PCNX4: variants seen among roughly 807,000 people sequenced by gnomAD.
PCNX4 encodes pecanex-like protein 4.
PCNX4 carries 103 observed loss-of-function variants against 107.2 expected under a neutral mutation model. The observed-to-expected ratio is 0.96, with a 90% CI of 0.82 to 1.13. The LOEUF (loss-of-function observed/expected upper bound fraction) is 1.13. Ranked by LOEUF, PCNX4 falls within the 50% of genes most tolerant of loss-of-function variation. PCNX4 has a pLI of 0.00. For synonymous variants in PCNX4, 541 were observed against 481.7 expected, an observed-to-expected ratio of 1.12 and a Z score of -1.61; for missense variants, 1,528 against 1,379.4, an observed-to-expected ratio of 1.11 and a Z score of -1.71.
intron 8 of PCNX4, among the ~76,000 whole-genome samples, chr14:60,123,679 T>A (rs1895995709): frequency 6.6e-6 from 1 of 152,120 alleles, no homozygotes; most frequent in African/African-American, 2.4e-5. Context: ...AGATACTGGT[T>A]TAGGCACTAC....
At chr14:60,129,753 C>A (rs551270360) in intron 10 of PCNX4, among the ~76,000 whole-genome samples, 1 of 152,142 alleles carries the variant, frequency 6.6e-6, no homozygotes, top group Non-Finnish European at 1.5e-5. Flanking sequence ...AATATTTCTG[C>A]TTCACCACAA....
rs748127531 is a variant in PCNX4, at chr14:60,134,095, T to A, written c.3393T>A (p.Asp1131Glu). The A allele has an allele frequency of 3.7e-6, 6 of 1,613,854 alleles. No homozygotes were observed. In the East Asian group the frequency reaches 1.3e-4, roughly 36 times the overall value. Residue 1131 changes from aspartate to glutamate, a missense_variant, in exon 11 of 11, where the codon GAT becomes GAA. Coordinates refer to ENST00000406854, the MANE Select transcript of PCNX4 (RefSeq NM_001330177.2). ...LSWELLYATN[D>E]DEERYSIQAH... ...GGGAATTACTTTATGCCACAAACGATGATGAAGAACGTTATAGTATACAAG... is the reference window on the plus strand; with the variant it reads ...GGGAATTACTTTATGCCACAAACGAAGATGAAGAACGTTATAGTATACAAG...
rs947027821 is a variant in PCNX4 at position 60,092,036 on chromosome 14, G to A, written c.-437G>A. 3 of 152,404 alleles carry A rather than the reference G, an allele frequency of 2.0e-5. No homozygotes were observed. The highest frequency in any genetic ancestry group is 2.9e-5 in the Non-Finnish European group (2 of 68,164). The allele number at this position is 152,404 out of a possible 1,614,324, so 9.4% of individuals were successfully genotyped here. A position where few individuals can be genotyped will look rare whatever the true frequency, so the allele number is the denominator to read the frequency against. Reference sequence around the variant, plus strand: ...GAGCGACTCCCGTCGTCCCCGGCCAGGCAGATGTTGGCCTAGTCCTGGCGC... The same window carrying A: ...GAGCGACTCCCGTCGTCCCCGGCCAAGCAGATGTTGGCCTAGTCCTGGCGC... On this transcript the variant is annotated 5_prime_UTR_variant, in exon 1 of 11. Coordinates refer to ENST00000406854, the MANE Select transcript of PCNX4 (RefSeq NM_001330177.2).
In PCNX4 at chr14:60,124,888, A is replaced by C; in HGVS notation, c.2717A>C (p.His906Pro). The C allele has an allele frequency of 6.2e-7, 1 of 1,613,856 alleles. No individual in the cohort carries two copies. Among genetic ancestry groups the C allele is most frequent in the Non-Finnish European group, 8.5e-7 (1 of 1,179,778 alleles). Residue 906 changes from histidine to proline, a missense_variant, in exon 9 of 11, where the codon CAT becomes CCT. Physicochemically the swap from His to Pro is moderately conservative, Grantham distance 77. Transcript: ENST00000406854. ...CCTCTCATGGAGTTCAGTTGTTCAC[A>C]TTCTCACTTAGTATGCTTACCCGCA... ...YIPLMEFSCS[H>P]SHLVCLPAEW...
At chr14:60,100,527 G>C (rs1009523676) in intron 1 of PCNX4, among the ~76,000 whole-genome samples, 3 of 152,154 alleles carry the variant, frequency 2.0e-5, no homozygotes, top group Non-Finnish European at 2.9e-5. Context: ...TTGAACTCCC[G>C]ACCTCAGGTG....
intron 1 of PCNX4, among the ~76,000 whole-genome samples, chr14:60,097,187 G>A (rs1342065526): frequency 2.6e-5 from 4 of 152,166 alleles, no homozygotes; most frequent in Non-Finnish European, 5.9e-5. Flanking sequence ...TCTCTTCACT[G>A]CTGGCATTGA....
In PCNX4 at chr14:60,138,215, C is replaced by G. The variant is rs555036664; in HGVS notation, c.*3994C>G. The G allele has an allele frequency of 6.6e-6, 1 of 151,094 alleles. No individual in the cohort carries two copies. Among genetic ancestry groups the G allele is most frequent in the Non-Finnish European group, 1.5e-5 (1 of 67,834 alleles). 9.4% of individuals were successfully genotyped at this position (151,094 alleles called of 1,614,324 possible). A position where few individuals can be genotyped will look rare whatever the true frequency, so the allele number is the denominator to read the frequency against. ...ATACCAGATGTGAAAAACTAAGAGA[C>G]AAAAGAATAGAAAATATAGTAGAGA... On this transcript the variant is annotated 3_prime_UTR_variant, in exon 11 of 11. Coordinates refer to ENST00000406854, the MANE Select transcript of PCNX4 (RefSeq NM_001330177.2).
Position 60,115,316 on chromosome 14 carries a change from A to T in PCNX4, c.1212A>T (p.Ile404=). 2 of 1,607,730 alleles carry T rather than the reference A, an allele frequency of 1.2e-6. No individual in the cohort carries two copies. The highest frequency in any genetic ancestry group is 1.7e-6 in the Non-Finnish European group (2 of 1,175,564). The part of the protein sequence containing the change: ...GLMILLIILW[I]LREIQSVYII... ...TGATATTACTTATAATACTGTGGAT[A>T]CTTAGAGAAATTCAAAGCGTATATA... Residue 404 remains isoleucine, a synonymous_variant, in exon 4 of 11, where the codon ATA becomes ATT. Transcript: ENST00000406854.
Position 60,144,780 on chromosome 14 carries a change from T to G in PCNX4, c.*10559T>G. ...AGAATATAGTATGAGTTAATACCTT[T>G]TTTGCAAGATTCATGGCAATCTTTT... On this transcript the variant is annotated 3_prime_UTR_variant, in exon 11 of 11. Coordinates refer to ENST00000406854, the MANE Select transcript of PCNX4 (RefSeq NM_001330177.2). The G allele has an allele frequency of 1.7e-6, 1 of 596,594 alleles. No individual in the cohort carries two copies. Among genetic ancestry groups the G allele is most frequent in the Non-Finnish European group, 2.9e-6 (1 of 341,866 alleles). 37.0% of individuals were successfully genotyped at this position (596,594 alleles called of 1,614,324 possible). A position where few individuals can be genotyped will look rare whatever the true frequency, so the allele number is the denominator to read the frequency against.
At chr14:60,131,683 G>A (rs187886323) in intron 10 of PCNX4, among the ~76,000 whole-genome samples, 25 of 152,226 alleles carry the variant, frequency 1.6e-4, no homozygotes, top group Admixed American at 2.0e-4. Context: ...GCTTCTTTGT[G>A]GAAATTGACA....
chr14:60,111,834 A>G (rs535332954), intron 2 of PCNX4, among the ~76,000 whole-genome samples: 20 of 152,210 alleles, frequency 1.3e-4, no homozygotes, highest in Admixed American at 9.2e-4. Flanking sequence ...AGACAAAGCC[A>G]GTCCCCACAT....
In PCNX4 at chr14:60,125,099, G is replaced by T; in HGVS notation, c.2928G>T (p.Met976Ile). 1.2e-6 allele frequency: 2 copies of T among 1,613,326 alleles called. No homozygotes were observed. Among genetic ancestry groups the T allele is most frequent in the Non-Finnish European group, 1.7e-6 (2 of 1,179,576 alleles). The change falls in exon 9 of 11, where the codon ATG (methionine) becomes ATT (isoleucine). Residue 976 changes from methionine to isoleucine, a missense_variant. Coordinates refer to ENST00000406854, the MANE Select transcript of PCNX4 (RefSeq NM_001330177.2). ...VLKDFYVHTV[M>I]TCYFSLFGID... ...AAGACTTTTATGTTCATACAGTAAT[G>T]ACTTGTTATTTTAGTTTATTTGGAA...
intron 2 of PCNX4, among the ~76,000 whole-genome samples, chr14:60,113,000 G>A (rs967844509): frequency 5.3e-5 from 8 of 152,178 alleles, no homozygotes; most frequent in African/African-American, 1.9e-4. Context: ...TGGCCAACAT[G>A]GTGAAACCCT....
intron 1 of PCNX4, among the ~76,000 whole-genome samples, chr14:60,097,488 G>A (rs1895447224): frequency 6.6e-6 from 1 of 152,218 alleles, no homozygotes. Flanking sequence ...CTCAATTGCT[G>A]TAGCATTTTG....
chr14:60,144,845 T>C lies in PCNX4; in HGVS notation c.*10624T>C, dbSNP rs1896356958. 2 of 830,136 alleles carry C rather than the reference T, an allele frequency of 2.4e-6. No homozygotes were observed. Among genetic ancestry groups the C allele is most frequent in the Non-Finnish European group, 4.0e-6 (2 of 496,040 alleles). 51.4% of individuals were successfully genotyped at this position (830,136 alleles called of 1,614,324 possible). On this transcript the variant is annotated 3_prime_UTR_variant, in exon 11 of 11. Coordinates refer to ENST00000406854, the MANE Select transcript of PCNX4 (RefSeq NM_001330177.2). Reference sequence around the variant, plus strand: ...ATTTCATTCCATGTTGGAAGCAAAGTCATATCTATTAAAAAGTAAAATCAC... The same window carrying C: ...ATTTCATTCCATGTTGGAAGCAAAGCCATATCTATTAAAAAGTAAAATCAC...
chr14:60,115,947 CAGAATACAGAAAA>C lies in PCNX4; in HGVS notation c.1466_1478del (p.Gln489LeufsTer14). ...GATAATTTGTATACTGCAGGTATGGCAGAATACAGAAAATGCTTTATTGGAGACAGTCATTGTA... is the reference window on the plus strand; with the variant it reads ...GATAATTTGTATACTGCAGGTATGGCTGCTTTATTGGAGACAGTCATTGTA... On this transcript the variant is annotated frameshift_variant, in exon 6 of 11. Coordinates refer to ENST00000406854, the MANE Select transcript of PCNX4 (RefSeq NM_001330177.2). LOFTEE classifies it high-confidence loss of function. The C allele has an allele frequency of 6.2e-7, 1 of 1,609,410 alleles. No individual in the cohort carries two copies. The highest frequency in any genetic ancestry group is 8.5e-7 in the Non-Finnish European group (1 of 1,177,088).
At chr14:60,133,584 T>C in intron 10 of PCNX4, 2 of 443,290 alleles carry the variant, frequency 4.5e-6, no homozygotes, top group Non-Finnish European at 8.8e-6. Context: ...GTGAATTATA[T>C]GGAATGTGAA....
In PCNX4 at chr14:60,107,629, C is replaced by A; in HGVS notation, c.-10C>A. The stretch of plus-strand genomic sequence containing the variant: ...AAAGCATGTGACTTTCAGAATAATC[C>A]CGAGTGAGGATGAGTCCAGATGTGC... On this transcript the variant is annotated 5_prime_UTR_variant, in exon 2 of 11. Coordinates refer to ENST00000406854, the MANE Select transcript of PCNX4 (RefSeq NM_001330177.2). The A allele has an allele frequency of 1.3e-6, 2 of 1,591,228 alleles. No homozygotes were observed. The highest frequency in any genetic ancestry group is 2.3e-5 in the South Asian group (2 of 88,002).
At chr14:60,125,336 C>G (rs1383416491) in intron 9 of PCNX4, 85 bp downstream of exon 9, 7 of 1,288,590 alleles carry the variant, frequency 5.4e-6, no homozygotes, top group Non-Finnish European at 7.2e-6. Flanking sequence ...GACAGTTATT[C>G]GTTTCTAGTT....
Sources: allele counts gnomAD v4.1 joint callset (sites outside exome capture counted in the v4.1 genomes callset), GRCh38; gene constraint gnomAD v4.1.1; transcripts MANE v1.5; gene names NCBI Gene and HGNC (gene_info 2026-07-23, HGNC 2026-07-21).